Variants in WSCD1 observed in about 807,000 individuals in gnomAD.
WSCD1 encodes the protein WSC domain sialate O sulfotransferase 1.
WSCD1 carries 41 observed loss-of-function variants against 60.4 expected under a neutral mutation model. That is an observed-to-expected ratio of 0.68 (90% CI 0.53 to 0.88). The LOEUF (loss-of-function observed/expected upper bound fraction) is 0.88. Among genes scored for constraint, WSCD1 ranks in the 40% least tolerant of loss-of-function variants. The pLI is 0.00. For synonymous variants in WSCD1, 361 were observed against 332.5 expected (o/e 1.09, Z -0.93); for missense variants, 784 against 796.2 (o/e 0.98, Z 0.18).
upstream of WSCD1, chr17:6,069,414 TGTGTGTGTGTGTGTGA>T (rs1650315878): frequency 2.8e-5 from 9 of 326,036 alleles, no homozygotes; most frequent in African/African-American, 1.3e-4. Context: ...TGTGTGTGTG[TGTGTGTGTGTGTGTGA>T]GAGAGAGAGA....
At chr17:6,083,426 C>T (rs577185405) in intron 2 of WSCD1, among the ~76,000 whole-genome samples, 56 of 152,174 alleles carry the variant, frequency 3.7e-4, no homozygotes, top group Non-Finnish European at 6.0e-4. Flanking sequence ...AAAGCACGAC[C>T]GAGGTCTGCT....
chr17:6,077,955 T>G (rs1478661446), intron 1 of WSCD1: 2 of 152,230 alleles, frequency 1.3e-5, no homozygotes, highest in Non-Finnish European at 2.9e-5. Context: ...CAGGCACTCT[T>G]GTTAACTCCA....
chr17:6,094,839 G>A (rs985005952), intron 4 of WSCD1, among the ~76,000 whole-genome samples: 1 of 152,140 alleles, frequency 6.6e-6, no homozygotes, highest in Non-Finnish European at 1.5e-5. Flanking sequence ...TGGAGAACTG[G>A]CAGAAGCAAG....
chr17:6,106,487 G>A (rs1250528777), intron 5 of WSCD1, among the ~76,000 whole-genome samples: 1 of 152,200 alleles, frequency 6.6e-6, no homozygotes, highest in African/African-American at 2.4e-5. Context: ...TTTTCTGAAT[G>A]AAAGAAGCCA....
chr17:6,082,589 G>A (rs1179492743), intron 2 of WSCD1, among the ~76,000 whole-genome samples: 1 of 152,198 alleles, frequency 6.6e-6, no homozygotes, highest in African/African-American at 2.4e-5. Flanking sequence ...TGCTTGGGGA[G>A]CTCCCAGTAA....
chr17:6,096,701 G>A (rs1910458526), intron 5 of WSCD1, among the ~76,000 whole-genome samples: 1 of 152,234 alleles, frequency 6.6e-6, no homozygotes, highest in South Asian at 2.1e-4. Flanking sequence ...GCAGAGCGAT[G>A]GGTAGAGGCA....
chr17:6,082,531 T>C (rs1445941510), intron 2 of WSCD1, among the ~76,000 whole-genome samples: 1 of 152,226 alleles, frequency 6.6e-6, no homozygotes, highest in Non-Finnish European at 1.5e-5. Flanking sequence ...GAGCTGTTTA[T>C]GCTGAATTAT....
At chr17:6,093,962 T>C (rs191979434) in intron 4 of WSCD1, among the ~76,000 whole-genome samples, 1 of 152,278 alleles carries the variant, frequency 6.6e-6, no homozygotes, top group East Asian at 1.9e-4. Context: ...TCAGTTGAGA[T>C]GGGCTTCCAG....
chr17:6,090,326 AT>A lies in WSCD1; in HGVS notation c.549del (p.Tyr183Ter). ...CCCAGGCCTCCTCCCTGCAGGTCCT[AT>A]GTCTACGCCGGCTTGGAGGCCGGGG... ...HCQDACAERS[Y>X]VYAGLEAGAE... On this transcript the variant is annotated frameshift_variant, in exon 4 of 9. Coordinates refer to ENST00000317744, the MANE Select transcript of WSCD1 (RefSeq NM_015253.2). LOFTEE classifies it high-confidence loss of function. The A allele has an allele frequency of 6.3e-7, 1 of 1,594,584 alleles. No homozygotes were observed. Among genetic ancestry groups the A allele is most frequent in the Non-Finnish European group, 8.5e-7 (1 of 1,171,682 alleles).
At position 6,095,047 on chromosome 17, in the gene WSCD1, A is replaced by C. The variant is rs1468545880; in HGVS notation, c.728-55A>C. 9 of 1,564,794 alleles carry C rather than the reference A, an allele frequency of 5.8e-6. No individual in the cohort carries two copies. In the African/African-American group the frequency reaches 1.2e-4, roughly 21 times the overall value. The stretch of plus-strand genomic sequence containing the variant: ...TAAAGCCAGCATTTTCCCTGGTGAC[A>C]GGCACCAACAACTGGACACCATCTC... On this transcript the variant is annotated intron_variant, in intron 4 of 8. Transcript: ENST00000317744.
At position 6,071,731 on chromosome 17, in the gene WSCD1, G is replaced by A. The variant is rs183568635; in HGVS notation, c.-289+1079G>A. Among the ~76,000 whole-genome samples, 7 of 152,346 alleles carry A rather than the reference G, an allele frequency of 4.6e-5. No homozygotes were observed. In the East Asian group the frequency reaches 1.4e-3, roughly 29 times the overall value. On this transcript the variant is annotated intron_variant, in intron 1 of 8. Transcript: ENST00000317744. Reference sequence around the variant, plus strand: ...TGAAAGTTACAGGAGATATAAAGCTGGCTTGCCCTGCGCTGTTTGCAATCA... The same window carrying A: ...TGAAAGTTACAGGAGATATAAAGCTAGCTTGCCCTGCGCTGTTTGCAATCA...
In WSCD1 at chr17:6,092,154, CAAA is replaced by C. The variant is rs71372642; in HGVS notation, c.727+1667_727+1669del. ...GGGCGACAGAGTGAGACTCTGTCTC[CAAA>C]AAAAAAAAAAAAAAAAAGGTATTGG... On this transcript the variant is annotated intron_variant, in intron 4 of 8. Coordinates refer to ENST00000317744, the MANE Select transcript of WSCD1 (RefSeq NM_015253.2). Among the ~76,000 whole-genome samples, 112 of 65,660 alleles carry C rather than the reference CAAA, an allele frequency of 1.7e-3. No homozygotes were observed. The Middle Eastern group carries it at 0.025, about 15-fold the overall frequency. The allele number at this position is 65,660 out of a possible 152,430, so 43.1% of individuals were successfully genotyped here. A position where few individuals can be genotyped will look rare whatever the true frequency, so the allele number is the denominator to read the frequency against.
chr17:6,114,001 A>G (rs1911556699), intron 7 of WSCD1, among the ~76,000 whole-genome samples: 1 of 152,134 alleles, frequency 6.6e-6, no homozygotes, highest in African/African-American at 2.4e-5. Flanking sequence ...TATATATTCA[A>G]GGGAAAGGAA....
chr17:6,108,264 T>G (rs1156370901), intron 5 of WSCD1, among the ~76,000 whole-genome samples: 2 of 152,306 alleles, frequency 1.3e-5, no homozygotes, highest in East Asian at 3.9e-4. Flanking sequence ...TTTCTTTTTC[T>G]TATTTATTTA....
At chr17:6,115,815 C>A (rs1028681021) in intron 7 of WSCD1, among the ~76,000 whole-genome samples, 5 of 152,126 alleles carry the variant, frequency 3.3e-5, no homozygotes, top group Non-Finnish European at 7.4e-5. Flanking sequence ...AGGCTAGTCT[C>A]AAACTCCTGA....
chr17:6,108,096 CCAA>C (rs1567559566), intron 5 of WSCD1, among the ~76,000 whole-genome samples: 1 of 152,104 alleles, frequency 6.6e-6, no homozygotes, highest in East Asian at 1.9e-4. Flanking sequence ...GGGGCAACCT[CCAA>C]CAGCATTTCC....
At position 6,081,131 on chromosome 17, in the gene WSCD1, A is replaced by G. The variant is rs532636767; in HGVS notation, c.427+46A>G. 7.3e-4 allele frequency: 1,088 copies of G among 1,495,726 alleles called. 10 individuals are homozygous for G. In the East Asian group the frequency reaches 0.018, roughly 24 times the overall value. The allele number at this position is 1,495,726 out of a possible 1,614,324, so 92.7% of individuals were successfully genotyped here. ...GGGGGAGCTGTTCCCAGGACCCCCC[A>G]TTCAGGGTCACAGGTTTGGTGTCCC... On this transcript the variant is annotated intron_variant, in intron 2 of 8. Transcript: ENST00000317744.
chr17:6,107,953 T>C (rs1911190289), intron 5 of WSCD1, among the ~76,000 whole-genome samples: 1 of 152,166 alleles, frequency 6.6e-6, no homozygotes, highest in Admixed American at 6.5e-5. Flanking sequence ...TAGCCTATCA[T>C]GCACTGACTC....
chr17:6,095,742 G>T (rs1476004680), intron 5 of WSCD1, among the ~76,000 whole-genome samples: 2 of 152,224 alleles, frequency 1.3e-5, no homozygotes, highest in Non-Finnish European at 2.9e-5. Flanking sequence ...TAGCTCTGGG[G>T]TGGGGAAAGT....
Sources: allele counts gnomAD v4.1 joint callset (sites outside exome capture counted in the v4.1 genomes callset), GRCh38; gene constraint gnomAD v4.1.1; transcripts MANE v1.5; gene names NCBI Gene and HGNC (gene_info 2026-07-23, HGNC 2026-07-21).